The following ITGA9 variants were observed in gnomAD, a reference collection of about 807,000 sequenced individuals.
The protein encoded by ITGA9 is integrin alpha-9.
ITGA9 carries 56 observed loss-of-function variants against 127.8 expected under a neutral mutation model. The ratio of observed to expected loss-of-function variants is 0.44; its 90% CI spans 0.35 to 0.55. ITGA9 has a LOEUF of 0.55. Among genes scored for constraint, ITGA9 ranks in the 20% least tolerant of loss-of-function variants. The pLI is 0.00. For synonymous variants in ITGA9, 508 were observed against 514.5 expected (o/e 0.99, Z 0.17); for missense variants, 1,196 against 1,347.1 (o/e 0.89, Z 1.76).
intron 17 of ITGA9, among the ~76,000 whole-genome samples, chr3:37,680,916 AT>A (rs1700728559): frequency 6.6e-6 from 1 of 152,162 alleles, no homozygotes; most frequent in Non-Finnish European, 1.5e-5. Flanking sequence ...CCGTTCAAGA[AT>A]TTGCAGCTCT....
intron 20 of ITGA9, among the ~76,000 whole-genome samples, chr3:37,739,617 A>G (rs1212133348): frequency 6.6e-6 from 1 of 152,208 alleles, no homozygotes; most frequent in Non-Finnish European, 1.5e-5. Flanking sequence ...CTCAGCAGCC[A>G]CCAGCCTGGC....
chr3:37,745,325 G>C (rs1439967507), intron 22 of ITGA9: 1 of 152,290 alleles, frequency 6.6e-6, no homozygotes, highest in Admixed American at 6.5e-5. Flanking sequence ...AGCCCCTGCT[G>C]TCACACCCTG....
At chr3:37,666,486 C>T (rs539081680) in intron 17 of ITGA9, among the ~76,000 whole-genome samples, 1 of 152,306 alleles carries the variant, frequency 6.6e-6, no homozygotes, top group Admixed American at 6.5e-5. Context: ...TGGGCCCCCT[C>T]TTGCATCTGC....
chr3:37,792,478 C>T (rs1244131204), intron 26 of ITGA9, among the ~76,000 whole-genome samples: 2 of 152,174 alleles, frequency 1.3e-5, no homozygotes, highest in African/African-American at 4.8e-5. Context: ...AATTCGCTTG[C>T]CAAGCATGAG....
chr3:37,732,918 G>A, intron 19 of ITGA9, 120 bp downstream of exon 19: 1 of 774,936 alleles, frequency 1.3e-6, no homozygotes, highest in Non-Finnish European at 2.2e-6. Context: ...CATAGCAGCT[G>A]GGGCGGCCAC....
intron 16 of ITGA9, among the ~76,000 whole-genome samples, chr3:37,633,530 A>G (rs1033236126): frequency 1.3e-5 from 2 of 152,230 alleles, no homozygotes; most frequent in African/African-American, 4.8e-5. Flanking sequence ...CTATACTGAA[A>G]ATGAAAAACA....
At chr3:37,507,247 T>C (rs985752689) in intron 7 of ITGA9, among the ~76,000 whole-genome samples, 3 of 152,184 alleles carry the variant, frequency 2.0e-5, no homozygotes, top group African/African-American at 7.2e-5. Context: ...CATGAATTTA[T>C]CTAAGTAGAG....
intron 16 of ITGA9, among the ~76,000 whole-genome samples, chr3:37,630,046 G>A (rs1700215883): frequency 6.6e-6 from 1 of 152,220 alleles, no homozygotes; most frequent in African/African-American, 2.4e-5. Context: ...TCAGAACCCT[G>A]TGGAAGATCA....
chr3:37,605,816 G>A (rs936665975), intron 15 of ITGA9, among the ~76,000 whole-genome samples: 2 of 152,190 alleles, frequency 1.3e-5, no homozygotes, highest in South Asian at 4.1e-4. Context: ...CTCTCTAAGG[G>A]AGGGCGGCTG....
At chr3:37,553,636 C>A (rs1179442476) in intron 15 of ITGA9, among the ~76,000 whole-genome samples, 1 of 152,188 alleles carries the variant, frequency 6.6e-6, no homozygotes, top group East Asian at 1.9e-4. Flanking sequence ...CAAAAGGGAG[C>A]TTTTAGACAT....
Position 37,508,626 on chromosome 3 carries a change from A to T in ITGA9, c.896A>T (p.Lys299Met), listed in dbSNP as rs1168619991. The change falls in exon 8 of 28, where the codon AAG becomes ATG. Residue 299 changes from lysine (K) to methionine (M), a missense_variant and splice_region_variant. Coordinates refer to ENST00000264741, the MANE Select transcript of ITGA9 (RefSeq NM_002207.3). ...AAGATCTTTCAAGCATCAGGTAAAA[A>T]GGTGAGGTTCTTGGTATAAGTGACT... is the stretch of plus-strand genomic sequence containing the variant. ...LIKIFQASGK[K>M]MGSYFGSSLC... The T allele has an allele frequency of 2.5e-6, 4 of 1,612,010 alleles. No homozygotes were observed. The highest frequency in any genetic ancestry group is 3.4e-6 in the Non-Finnish European group (4 of 1,178,098).
intron 18 of ITGA9, among the ~76,000 whole-genome samples, chr3:37,722,039 G>A (rs774725184): frequency 2.6e-5 from 4 of 152,128 alleles, no homozygotes; most frequent in Admixed American, 1.3e-4. Context: ...GCAGGGCTCC[G>A]CATGGCCTGG....
In ITGA9 at chr3:37,752,069, A is replaced by G. The variant is rs1696592953; in HGVS notation, c.2541+1500A>G. Reference sequence around the variant, plus strand: ...AGCGAGTGCATGAGGTGCTGTAGTGAAGAGGCGAGAGTCCCCAGATACTTG... The same window carrying G: ...AGCGAGTGCATGAGGTGCTGTAGTGGAGAGGCGAGAGTCCCCAGATACTTG... On this transcript the variant is annotated intron_variant, in intron 23 of 27. Coordinates refer to ENST00000264741, the MANE Select transcript of ITGA9 (RefSeq NM_002207.3). 3.9e-5 allele frequency among the ~76,000 whole-genome samples: 6 copies of G among 152,310 alleles called. No individual in the cohort carries two copies. In the South Asian group the frequency reaches 1.2e-3, roughly 32 times the overall value.
intron 23 of ITGA9, among the ~76,000 whole-genome samples, chr3:37,752,185 T>A (rs1174204372): frequency 6.6e-6 from 1 of 152,212 alleles, no homozygotes; most frequent in Non-Finnish European, 1.5e-5. Flanking sequence ...CAGTAGGGCC[T>A]GAGAATGCTC....
intron 17 of ITGA9, among the ~76,000 whole-genome samples, chr3:37,669,870 G>T (rs1700620985): frequency 6.6e-6 from 1 of 152,142 alleles, no homozygotes; most frequent in Non-Finnish European, 1.5e-5. Context: ...GGGCTCCCTT[G>T]AGAGAAATGG....
intron 18 of ITGA9, among the ~76,000 whole-genome samples, chr3:37,699,799 T>C (rs866093398): frequency 1.2e-4 from 19 of 152,318 alleles, no homozygotes; most frequent in African/African-American, 4.6e-4. Context: ...CACACTAAGC[T>C]TATCCCTGCC....
intron 23 of ITGA9, among the ~76,000 whole-genome samples, chr3:37,757,843 A>G (rs1385017715): frequency 2.6e-5 from 4 of 151,808 alleles, no homozygotes; most frequent in Non-Finnish European, 1.5e-5. Context: ...TAGGCTTTCA[A>G]GGAATGGATA....
At chr3:37,481,648 C>T in intron 4 of ITGA9, 41 bp downstream of exon 4, 1 of 1,613,676 alleles carries the variant, frequency 6.2e-7, no homozygotes, top group Non-Finnish European at 8.5e-7. Context: ...CTACCCACCT[C>T]ATGCCCTAAG....
chr3:37,809,956 T>C (rs1697346851), intron 27 of ITGA9, among the ~76,000 whole-genome samples: 1 of 152,238 alleles, frequency 6.6e-6, no homozygotes, highest in East Asian at 1.9e-4. Context: ...ATATTCCATA[T>C]GTAATTTCCT....
Sources: allele counts gnomAD v4.1 joint callset (sites outside exome capture counted in the v4.1 genomes callset), GRCh38; gene constraint gnomAD v4.1.1; transcripts MANE v1.5; gene names NCBI Gene and HGNC (gene_info 2026-07-23, HGNC 2026-07-21).